Variants in ABI3BP observed in about 807,000 individuals in gnomAD.
ABI3BP encodes ABI family member 3 binding protein, also known as target of Nesh-SH3.
Under a neutral mutation model 268.6 loss-of-function variants are expected in ABI3BP, and 216 were observed. That is an observed-to-expected ratio of 0.80 (90% CI 0.72 to 0.90). The LOEUF (loss-of-function observed/expected upper bound fraction) is 0.90, where lower values mean the gene tolerates loss of function less well. Among genes scored for constraint, ABI3BP ranks in the 40% least tolerant of loss-of-function variants. ABI3BP has a pLI of 0.00. For synonymous variants in ABI3BP, 730 were observed against 730.0 expected (o/e 1.00, Z 0.00); for missense variants, 2,090 against 2,182.4 (o/e 0.96, Z 0.84).
chr3:100,835,946 A>G (rs1397174445), intron 27 of ABI3BP, among the ~76,000 whole-genome samples: 1 of 152,208 alleles, frequency 6.6e-6, no homozygotes, highest in Non-Finnish European at 1.5e-5. Context: ...TTAGTTGTCC[A>G]ATATATAATT....
chr3:100,827,816 A>T (rs1431423085), intron 34 of ABI3BP, among the ~76,000 whole-genome samples: 3 of 152,102 alleles, frequency 2.0e-5, no homozygotes, highest in Non-Finnish European at 4.4e-5. Flanking sequence ...AAAGGTTATA[A>T]ATCATCCAGA....
chr3:100,914,331 T>C, intron 2 of ABI3BP: 1 of 390,720 alleles, frequency 2.6e-6, no homozygotes, highest in Non-Finnish European at 5.2e-6. Flanking sequence ...TTATGCCCCA[T>C]GGCTTGGAGA....
intron 50 of ABI3BP, among the ~76,000 whole-genome samples, chr3:100,805,152 T>A (rs532888889): frequency 6.6e-6 from 1 of 152,212 alleles, no homozygotes; most frequent in African/African-American, 2.4e-5. Flanking sequence ...TCAGAGGAGA[T>A]GACAATGGAA....
intron 21 of ABI3BP, 94 bp from the exon 22 acceptor site, chr3:100,840,952 C>T: frequency 3.1e-6 from 3 of 967,408 alleles, no homozygotes; most frequent in East Asian, 2.7e-5. Context: ...TTTTTAATTA[C>T]TAGATTGAGC....
intron 20 of ABI3BP, chr3:100,843,490 GGAGGGAAAGAAAGA>G: frequency 1.2e-5 from 11 of 946,002 alleles, no homozygotes; most frequent in Non-Finnish European, 1.4e-5. Flanking sequence ...AGAAAGGAAG[GGAGGGAAAGAAAGA>G]GAGGGAGGGA....
chr3:100,838,492 C>A lies in ABI3BP; in HGVS notation c.1946-28G>T, dbSNP rs185732323. ...AAAGAAAAAGGTATTAAAATTACCA[C>A]AATGGGTCATGGCTGTGACTGTCAA... On this transcript the variant is annotated intron_variant, in intron 24 of 67. Transcript: ENST00000471714. 1.2e-3 allele frequency: 1,733 copies of A among 1,504,592 alleles called. 1 individual carries two copies. Among genetic ancestry groups the A allele is most frequent in the Non-Finnish European group, 1.5e-3 (1,626 of 1,118,636 alleles). 93.2% of individuals were successfully genotyped at this position (1,504,592 alleles called of 1,614,324 possible).
chr3:100,923,871 T>C lies in ABI3BP; in HGVS notation c.259+2431A>G, dbSNP rs186105414. On this transcript the variant is annotated intron_variant, in intron 2 of 67. Coordinates refer to ENST00000471714, the MANE Select transcript of ABI3BP (RefSeq NM_001375547.2). The stretch of plus-strand genomic sequence containing the variant: ...CTAAAACCATTAGGTGAAAATTTGA[T>C]GGAGAATTTTATTGTGAGAGACCAG... Among the ~76,000 whole-genome samples the C allele has an allele frequency of 1.6e-3, 245 of 152,288 alleles. 1 individual carries two copies. The highest frequency in any genetic ancestry group is 5.7e-3 in the African/African-American group (236 of 41,566).
At position 100,780,202 on chromosome 3, in the gene ABI3BP, C is replaced by T. The variant is rs371123786; in HGVS notation, c.4170G>A (p.Lys1390=). 2.5e-6 allele frequency: 4 copies of T among 1,612,564 alleles called. No homozygotes were observed. The African/African-American group carries it at 5.3e-5, about 22-fold the overall frequency. The change falls in exon 58 of 68, where the codon AAG becomes AAA. Residue 1390 remains lysine (K), a synonymous_variant. Coordinates refer to ENST00000471714, the MANE Select transcript of ABI3BP (RefSeq NM_001375547.2). The part of the protein sequence containing the change: ...PSGNGVGTGV[K]QAPRPSGADR... ...CAGCACCTGATGGCCTGGGTGCTTG[C>T]TTGACCCCTATGAGCAGAGATAATG...
chr3:100,823,469 G>T lies in ABI3BP; in HGVS notation c.2792C>A (p.Ser931Ter). ...TGTATCAACGTTACCTAATGTTGTTGAGGCCTCAGGTCTAAGAGTGACAGG... is the reference window on the plus strand; with the variant it reads ...TGTATCAACGTTACCTAATGTTGTTTAGGCCTCAGGTCTAAGAGTGACAGG... ...LEPVTLRPEA[S>*]TTLASKTSQR... Residue 931 changes from serine (S) to a stop codon, truncating the protein, a stop_gained, in exon 37 of 68, where the codon TCA (serine) becomes TAA (stop). Coordinates refer to ENST00000471714, the MANE Select transcript of ABI3BP (RefSeq NM_001375547.2). LOFTEE classifies it high-confidence loss of function. The T allele has an allele frequency of 6.5e-7, 1 of 1,534,306 alleles. No individual in the cohort carries two copies. Among genetic ancestry groups the T allele is most frequent in the Non-Finnish European group, 8.7e-7 (1 of 1,145,984 alleles).
chr3:100,954,114 C>A (rs1484823304), intron 1 of ABI3BP, among the ~76,000 whole-genome samples: 1 of 152,098 alleles, frequency 6.6e-6, no homozygotes, highest in African/African-American at 2.4e-5. Context: ...TCCTCTCAAA[C>A]ACAGCATTTA....
chr3:100,899,891 C>G (rs1462143715), intron 3 of ABI3BP, among the ~76,000 whole-genome samples: 2 of 152,182 alleles, frequency 1.3e-5, no homozygotes, highest in Non-Finnish European at 2.9e-5. Context: ...GGCAGAATGG[C>G]CTGCCACCTC....
intron 6 of ABI3BP, among the ~76,000 whole-genome samples, chr3:100,877,560 G>A (rs2153314800): frequency 6.6e-6 from 1 of 152,266 alleles, no homozygotes; most frequent in South Asian, 2.1e-4. Flanking sequence ...GCCTGACCTA[G>A]GGATGGGTGC....
At chr3:100,765,975 T>C in intron 62 of ABI3BP, 26 bp from the exon 63 acceptor site, 3 of 1,529,654 alleles carry the variant, frequency 2.0e-6, no homozygotes, top group Non-Finnish European at 2.7e-6. Context: ...AGCCAACAGA[T>C]ACTTGTTTTT....
At chr3:100,865,252 A>G (rs1478617992) in intron 10 of ABI3BP, among the ~76,000 whole-genome samples, 1 of 152,214 alleles carries the variant, frequency 6.6e-6, no homozygotes, top group Non-Finnish European at 1.5e-5. Flanking sequence ...ATTATAGTTT[A>G]TTACTTTTTA....
intron 2 of ABI3BP, among the ~76,000 whole-genome samples, chr3:100,919,833 T>C (rs554861460): frequency 2.0e-5 from 3 of 152,308 alleles, no homozygotes; most frequent in Non-Finnish European, 4.4e-5. Flanking sequence ...TCCAGGTATA[T>C]ATTTTTGAGG....
intron 2 of ABI3BP, among the ~76,000 whole-genome samples, chr3:100,916,594 T>C (rs2576370): frequency 0.6 from 90,641 of 152,004 alleles, 27,925 homozygotes; most frequent in East Asian, 0.91. Context: ...GCTCTAAGGA[T>C]TTAATAACCC....
At chr3:100,761,480 A>G (rs1286841983) in intron 63 of ABI3BP, among the ~76,000 whole-genome samples, 1 of 152,140 alleles carries the variant, frequency 6.6e-6, no homozygotes, top group Admixed American at 6.5e-5. Context: ...GTGGCTCTCT[A>G]TTGACAAGAA....
chr3:100,946,886 T>C (rs2072671714), intron 1 of ABI3BP, among the ~76,000 whole-genome samples: 1 of 152,136 alleles, frequency 6.6e-6, no homozygotes, highest in Non-Finnish European at 1.5e-5. Context: ...TTAAGAATAG[T>C]TTAGGCTATA....
At chr3:100,841,903 A>AG in intron 21 of ABI3BP, 95 bp downstream of exon 21, 5 of 551,076 alleles carry the variant, frequency 9.1e-6, no homozygotes, top group Non-Finnish European at 9.7e-6. Flanking sequence ...CTGGAGAAGA[A>AG]AAAAAAAAAA....
Sources: allele counts gnomAD v4.1 joint callset (sites outside exome capture counted in the v4.1 genomes callset), GRCh38; gene constraint gnomAD v4.1.1; transcripts MANE v1.5; gene names NCBI Gene and HGNC (gene_info 2026-07-23, HGNC 2026-07-21).